GAS7: variants seen among roughly 807,000 people sequenced by gnomAD.
GAS7 encodes growth arrest specific 7, also known as growth arrest-specific protein 7.
A neutral mutation model predicts 71.1 loss-of-function variants in GAS7; 28 were observed. The ratio of observed to expected loss-of-function variants is 0.39; its 90% CI spans 0.29 to 0.54. The LOEUF is 0.54. Among genes scored for constraint, GAS7 ranks in the 20% least tolerant of loss-of-function variants. GAS7 has a pLI of 0.62. For missense variants in GAS7, 436 were observed against 627.8 expected, an observed-to-expected ratio of 0.69 and a Z score of 3.27; for synonymous variants, 258 against 245.8, an observed-to-expected ratio of 1.05 and a Z score of -0.46.
chr17:9,949,423 C>A (rs1329496480), intron 5 of GAS7, among the ~76,000 whole-genome samples: 1 of 152,210 alleles, frequency 6.6e-6, no homozygotes, highest in Non-Finnish European at 1.5e-5. Context: ...GTAGGCCCAA[C>A]AAACTCTTCT....
chr17:10,028,170 T>C (rs2072517948), intron 1 of GAS7, among the ~76,000 whole-genome samples: 1 of 152,222 alleles, frequency 6.6e-6, no homozygotes, highest in Non-Finnish European at 1.5e-5. Flanking sequence ...CCTAAAGTGC[T>C]GGGATTACAG....
chr17:10,180,202 A>G (rs764659785), intron 1 of GAS7, among the ~76,000 whole-genome samples: 3 of 151,882 alleles, frequency 2.0e-5, no homozygotes, highest in Non-Finnish European at 2.9e-5. Flanking sequence ...TTAGCCAGGC[A>G]TGGTAGTGGG....
rs2067728996 is a variant in GAS7 at position 9,919,792 on chromosome 17, C to T, written c.1139-87G>A. On this transcript the variant is annotated intron_variant, in intron 11 of 13. Transcript: ENST00000432992. The surrounding 1 kb of genome is among the most constrained non-coding windows in gnomAD (Gnocchi z 5.0). ...ACCCTGAGCCCCACAGCCAAGCCTT[C>T]TCCTCCCCCTGGGGTCATGGTGGCC... The T allele has an allele frequency of 1.0e-6, 1 of 975,306 alleles. No homozygotes were observed. Among genetic ancestry groups the T allele is most frequent in the Admixed American group, 1.7e-5 (1 of 58,796 alleles). The allele number at this position is 975,306 out of a possible 1,614,324, so 60.4% of individuals were successfully genotyped here.
Position 9,912,946 on chromosome 17 carries a change from C to T in GAS7, c.*4282G>A. ...AAAGCATTAAGCTGAGGGAAAGATG[C>T]CAGACTCAAAAGGCGACATCAGTGT... is the stretch of plus-strand genomic sequence containing the variant. On this transcript the variant is annotated 3_prime_UTR_variant, in exon 14 of 14. Coordinates refer to ENST00000432992, the MANE Select transcript of GAS7 (RefSeq NM_201433.2). 4.3e-6 allele frequency: 1 copy of T among 232,834 alleles called. No homozygotes were observed. The allele number at this position is 232,834 out of a possible 1,614,324, so 14.4% of individuals were successfully genotyped here.
At chr17:10,131,168 A>C (rs1257771939) in intron 1 of GAS7, among the ~76,000 whole-genome samples, 1 of 152,178 alleles carries the variant, frequency 6.6e-6, no homozygotes, top group Non-Finnish European at 1.5e-5. Context: ...GCCTCTTGCC[A>C]CAGCTATATC....
intron 5 of GAS7, among the ~76,000 whole-genome samples, chr17:9,955,304 G>C (rs1359221625): frequency 6.6e-6 from 1 of 152,144 alleles, no homozygotes; most frequent in Non-Finnish European, 1.5e-5. Flanking sequence ...TAATACCAGG[G>C]TCCAGCTACA....
chr17:10,085,606 G>A (rs1392777896), intron 1 of GAS7, among the ~76,000 whole-genome samples: 1 of 150,586 alleles, frequency 6.6e-6, no homozygotes, highest in African/African-American at 2.4e-5. Flanking sequence ...GCAGAAGGAT[G>A]GCATGAACCC....
chr17:9,971,510 A>G (rs2069961850), intron 3 of GAS7, among the ~76,000 whole-genome samples: 1 of 152,120 alleles, frequency 6.6e-6, no homozygotes, highest in Admixed American at 6.6e-5. Flanking sequence ...GGCTGCAGTG[A>G]ACTGTGATTG....
intron 1 of GAS7, among the ~76,000 whole-genome samples, chr17:10,134,079 G>A (rs1597811067): frequency 1.3e-5 from 2 of 151,918 alleles, no homozygotes; most frequent in Middle Eastern, 6.8e-3. Context: ...CGCCCAGGCT[G>A]GAGTCCAGTG....
chr17:10,178,028 A>G (rs1225521208), intron 1 of GAS7, among the ~76,000 whole-genome samples: 2 of 152,122 alleles, frequency 1.3e-5, no homozygotes, highest in Non-Finnish European at 2.9e-5. Context: ...TTAGCATCAC[A>G]TAACACTGGG....
intron 1 of GAS7, among the ~76,000 whole-genome samples, chr17:10,157,648 T>C (rs2074215276): frequency 6.6e-6 from 1 of 152,244 alleles, no homozygotes; most frequent in Non-Finnish European, 1.5e-5. Flanking sequence ...TGTGAGAATC[T>C]GCTTCCAGTT....
chr17:9,932,084 G>A (rs1280532820), intron 9 of GAS7, among the ~76,000 whole-genome samples: 1 of 152,122 alleles, frequency 6.6e-6, no homozygotes, highest in Non-Finnish European at 1.5e-5. Context: ...GGGAGACTCA[G>A]CGTTTAGGCA....
rs1008782605 is a variant in GAS7, at chr17:10,151,391, TTGTTTTCTAACAATAC to T, written c.183+46801_183+46816del. Among the ~76,000 whole-genome samples the T allele has an allele frequency of 1.4e-4, 22 of 152,298 alleles. 1 individual carries two copies. Among genetic ancestry groups the T allele is most frequent in the East Asian group, 7.7e-4 (4 of 5,190 alleles). ...GCTCAGATGAAGCCTCTTTTAAGTA[TTGTTTTCTAACAATAC>T]TGTTTTCTAACAAAACTGTCACATG... is the stretch of plus-strand genomic sequence containing the variant. On this transcript the variant is annotated intron_variant, in intron 1 of 13. Coordinates refer to ENST00000432992, the MANE Select transcript of GAS7 (RefSeq NM_201433.2).
At chr17:9,986,481 A>G (rs1472178614) in intron 2 of GAS7, among the ~76,000 whole-genome samples, 1 of 152,186 alleles carries the variant, frequency 6.6e-6, no homozygotes, top group Non-Finnish European at 1.5e-5. Flanking sequence ...TGAACAGAGA[A>G]GCTGCTGGTC....
chr17:10,032,217 T>C (rs1324122252), intron 1 of GAS7, among the ~76,000 whole-genome samples: 1 of 151,770 alleles, frequency 6.6e-6, no homozygotes, highest in Non-Finnish European at 1.5e-5. Flanking sequence ...CAAGGTAGAC[T>C]CCTCCCAATA....
intron 2 of GAS7, 93 bp downstream of exon 2, chr17:10,019,680 CCAAA>C (rs1450409362): frequency 4.0e-6 from 5 of 1,248,396 alleles, no homozygotes; most frequent in Non-Finnish European, 5.6e-6. Context: ...GAAAAAACCC[CCAAA>C]CAGAGAGGCG....
At chr17:10,082,042 C>T (rs557195907) in intron 1 of GAS7, among the ~76,000 whole-genome samples, 2 of 152,224 alleles carry the variant, frequency 1.3e-5, no homozygotes, top group East Asian at 1.9e-4. Flanking sequence ...TAGAACAGTA[C>T]GCAGCAGTTA....
intron 2 of GAS7, among the ~76,000 whole-genome samples, chr17:10,011,121 G>A (rs2071752947): frequency 6.6e-6 from 1 of 152,154 alleles, no homozygotes; most frequent in South Asian, 2.1e-4. Context: ...AAGGTCTGAG[G>A]GTGGAAACAG....
At chr17:10,091,967 T>TAAA (rs11429483) in intron 1 of GAS7, among the ~76,000 whole-genome samples, 2 of 147,682 alleles carry the variant, frequency 1.4e-5, no homozygotes, top group African/African-American at 2.5e-5. Context: ...TGTCTCAATT[T>TAAA]AAAAAAAAAA....
Sources: allele counts gnomAD v4.1 joint callset (sites outside exome capture counted in the v4.1 genomes callset), GRCh38; gene constraint gnomAD v4.1.1; non-coding constraint Gnocchi (gnomAD v3.1); transcripts MANE v1.5; gene names NCBI Gene and HGNC (gene_info 2026-07-23, HGNC 2026-07-21).